KPNA7: variants seen among roughly 807,000 people sequenced by gnomAD.
The protein encoded by KPNA7 is karyopherin subunit alpha 7, also known as importin subunit alpha-8.
A neutral mutation model predicts 53.7 loss-of-function variants in KPNA7; 54 were observed. The observed-to-expected ratio is 1.01, with a 90% confidence interval of 0.81 to 1.26. The LOEUF (loss-of-function observed/expected upper bound fraction) is 1.26, where lower values mean the gene tolerates loss of function less well. Among genes scored for constraint, KPNA7 ranks in the 50% most tolerant of loss-of-function variants. The pLI, the probability that KPNA7 is intolerant of heterozygous loss-of-function variation, is 0.00. For synonymous variants in KPNA7, 276 were observed against 259.3 expected (o/e 1.06, Z -0.62); for missense variants, 640 against 644.5 (o/e 0.99, Z 0.07).
At chr7:99,166,748 T>C in the KPNA7 span, among the ~76,000 whole-genome samples, 35 of 152,202 alleles carry the variant, frequency 2.3e-4, no homozygotes, top group African/African-American at 7.9e-4. Context: ...CCCTCCCAAG[T>C]AGCTGGGATT....
Position 99,207,436 on chromosome 7 carries a change from G to A in KPNA7, c.31C>T (p.Arg11Trp), listed in dbSNP as rs757085194. Residue 11 changes from arginine (R) to tryptophan (W), a missense_variant, in exon 2 of 11, where the codon CGG becomes TGG. Physicochemically the swap from Arg to Trp is moderately radical, Grantham distance 101. Transcript: ENST00000327442. Reference protein sequence around the residue: MPTLDAPEERRRKFKYRGKDV... With the variant: MPTLDAPEERWRKFKYRGKDV... ...TTGCCTCGGTACTTAAATTTTCTCCGCCTCTCTTCTGGAGCATCTAAGGTC... is the reference window on the plus strand; with the variant it reads ...TTGCCTCGGTACTTAAATTTTCTCCACCTCTCTTCTGGAGCATCTAAGGTC... 65 of 1,551,056 alleles carry A rather than the reference G, an allele frequency of 4.2e-5. No homozygotes were observed. Among genetic ancestry groups the A allele is most frequent in the Admixed American group, 7.9e-5 (4 of 50,870 alleles).
intron 6 of KPNA7, among the ~76,000 whole-genome samples, chr7:99,190,076 C>T (rs1372840635): frequency 6.6e-6 from 1 of 151,956 alleles, no homozygotes; most frequent in East Asian, 1.9e-4. Flanking sequence ...TGGTGGCTCA[C>T]ACCTGTAACC....
At chr7:99,150,985 CAAGA>C in the KPNA7 span, among the ~76,000 whole-genome samples, 12 of 152,068 alleles carry the variant, frequency 7.9e-5, no homozygotes, top group Non-Finnish European at 1.5e-4. Flanking sequence ...CCCCTACTAC[CAAGA>C]AAGGGGTGGG....
At chr7:99,147,528 C>T in the KPNA7 span, among the ~76,000 whole-genome samples, 18 of 152,330 alleles carry the variant, frequency 1.2e-4, no homozygotes, top group African/African-American at 3.8e-4. Flanking sequence ...CAGTGGCTCA[C>T]GCCTGTAATC....
rs985537399 is a variant in KPNA7 at position 99,190,294 on chromosome 7, A to C, written c.637-1731T>G. On this transcript the variant is annotated intron_variant, in intron 6 of 10. Coordinates refer to ENST00000327442, the MANE Select transcript of KPNA7 (RefSeq NM_001145715.3). Reference sequence around the variant, plus strand: ...GGAGGTTGCAGTGAGCTGAGATTGCACCACTGCACTCCAGCCTGGTGACAG... The same window carrying C: ...GGAGGTTGCAGTGAGCTGAGATTGCCCCACTGCACTCCAGCCTGGTGACAG... 1.4e-4 allele frequency among the ~76,000 whole-genome samples: 20 copies of C among 148,138 alleles called. No homozygotes were observed. The East Asian group carries it at 4.0e-3, about 29-fold the overall frequency.
At chr7:99,184,236 C>G (rs192220909) in intron 8 of KPNA7, among the ~76,000 whole-genome samples, 41 of 150,668 alleles carry the variant, frequency 2.7e-4, no homozygotes, top group Admixed American at 9.3e-4. Context: ...CTCACAGCAG[C>G]CTTGACCTCC....
rs974821256 is a variant in KPNA7, at chr7:99,185,016, C to T, written c.1047G>A (p.Leu349=). 5 of 1,551,790 alleles carry T rather than the reference C, an allele frequency of 3.2e-6. No individual in the cohort carries two copies. The African/African-American group carries it at 6.8e-5, about 21-fold the overall frequency. The change falls in exon 8 of 11, where the codon CTG becomes CTA. Residue 349 remains leucine (L), a synonymous_variant. Transcript: ENST00000327442. ...GACAAGGCCCCGCTGCTACGTTGCT[C>T]AGGGCCCAGGCTGCCTCCTTCTGGA... The part of the protein sequence containing the change: ...PSIQKEAAWA[L]SNVAAGPCHH...
chr7:99,212,219 G>A (rs919380351), upstream of KPNA7, among the ~76,000 whole-genome samples: 2 of 145,140 alleles, frequency 1.4e-5, no homozygotes, highest in African/African-American at 5.1e-5. Flanking sequence ...ACTGGTGTCC[G>A]ATCCACATGT....
chr7:99,184,567 A>G (rs1285939454), intron 8 of KPNA7, among the ~76,000 whole-genome samples: 1 of 152,146 alleles, frequency 6.6e-6, no homozygotes, highest in African/African-American at 2.4e-5. Context: ...ATAGCATGAT[A>G]TGTTTTTCCT....
intron 10 of KPNA7, 107 bp downstream of exon 10, chr7:99,177,813 C>T: frequency 8.6e-7 from 1 of 1,159,922 alleles, no homozygotes; most frequent in Non-Finnish European, 1.2e-6. Flanking sequence ...AGACCACCTG[C>T]CCAGTCACCT....
At chr7:99,177,896 C>T in intron 10 of KPNA7, 24 bp downstream of exon 10, 1 of 1,551,138 alleles carries the variant, frequency 6.4e-7, no homozygotes, top group Non-Finnish European at 8.7e-7. Flanking sequence ...CCTGGATACT[C>T]CTCCACGCTC....
At chr7:99,160,017 G>GTTTTTTTTTTTT in the KPNA7 span, among the ~76,000 whole-genome samples, 44 of 67,630 alleles carry the variant, frequency 6.5e-4, 1 homozygote, top group African/African-American at 1.8e-3. Flanking sequence ...TGTTGTTTTT[G>GTTTTTTTTTTTT]TTTTTTTTTT....
At chr7:99,211,430 T>C (rs1395782452), upstream of KPNA7, among the ~76,000 whole-genome samples, 4 of 152,078 alleles carry the variant, frequency 2.6e-5, no homozygotes, top group African/African-American at 7.2e-5. Flanking sequence ...TCAAAAAAAG[T>C]AATTTAGGGC....
intron 7 of KPNA7, among the ~76,000 whole-genome samples, chr7:99,187,398 G>GT (rs796786120): frequency 0.023 from 3,396 of 149,644 alleles, 125 homozygotes; most frequent in African/African-American, 0.077. Flanking sequence ...ATAATGGGTT[G>GT]TTTTTTTTTT....
At chr7:99,193,976 C>T (rs897232925) in intron 5 of KPNA7, among the ~76,000 whole-genome samples, 5 of 152,198 alleles carry the variant, frequency 3.3e-5, no homozygotes, top group African/African-American at 1.2e-4. Flanking sequence ...CTACGCCAAG[C>T]CTCTGCAAGC....
chr7:99,218,362 T>C (rs12705055), intron 1 of KPNA7, among the ~76,000 whole-genome samples: 150,795 of 152,110 alleles, frequency 0.99, 74,757 homozygotes, highest in South Asian at 1. Flanking sequence ...AAACTCCTGT[T>C]CACAAGAAGG....
At chr7:99,190,993 C>T (rs1042097252) in intron 6 of KPNA7, among the ~76,000 whole-genome samples, 1 of 151,956 alleles carries the variant, frequency 6.6e-6, no homozygotes, top group Non-Finnish European at 1.5e-5. Context: ...GCAACACAAG[C>T]TCCAATTTCT....
chr7:99,192,905 T>C (rs2150745076), intron 6 of KPNA7, 114 bp downstream of exon 6: 1 of 673,466 alleles, frequency 1.5e-6, no homozygotes, highest in South Asian at 2.4e-5. Context: ...GGAGGATTGC[T>C]TGAAGCCAGG....
chr7:99,161,414 G>GT, the KPNA7 span, among the ~76,000 whole-genome samples: 1 of 152,140 alleles, frequency 6.6e-6, no homozygotes, highest in Non-Finnish European at 1.5e-5. Flanking sequence ...TACTACCATT[G>GT]TAAGTAGGTC....
Sources: allele counts gnomAD v4.1 joint callset (sites outside exome capture counted in the v4.1 genomes callset), GRCh38; gene constraint gnomAD v4.1.1; transcripts MANE v1.5; gene names NCBI Gene and HGNC (gene_info 2026-07-23, HGNC 2026-07-21).